The following GLP1R variants were observed in gnomAD, a reference collection of about 807,000 sequenced individuals.
GLP1R encodes glucagon like peptide 1 receptor.
Under a neutral mutation model 68.4 loss-of-function variants are expected in GLP1R, and 32 were observed. The observed-to-expected ratio is 0.47, with a 90% CI of 0.35 to 0.63. The LOEUF (loss-of-function observed/expected upper bound fraction) is 0.63, where lower values mean the gene tolerates loss of function less well. Ranked by LOEUF, GLP1R falls within the 20% of genes least tolerant of loss-of-function variation. The probability of loss-of-function intolerance (pLI) is 0.00; values close to 1 mark genes in which losing one functional copy is unlikely to be tolerated. For synonymous variants in GLP1R, 263 were observed against 244.4 expected (o/e 1.08, Z -0.71); for missense variants, 502 against 594.9 (o/e 0.84, Z 1.62).
chr6:39,073,918 G>T, intron 7 of GLP1R, 149 bp downstream of exon 7: 1 of 668,804 alleles, frequency 1.5e-6, no homozygotes, highest in Non-Finnish European at 2.6e-6. Context: ...CTTCTGCCCC[G>T]GTGCTGTTAA....
chr6:39,056,630 T>C, intron 2 of GLP1R, 137 bp downstream of exon 2: 4 of 554,772 alleles, frequency 7.2e-6, no homozygotes, highest in Non-Finnish European at 1.3e-5. Context: ...CTTCATCTCA[T>C]TGTCCAAGCT....
chr6:39,062,771 T>C (rs541215135), intron 3 of GLP1R, among the ~76,000 whole-genome samples: 8 of 152,250 alleles, frequency 5.3e-5, no homozygotes, highest in Non-Finnish European at 8.8e-5. Flanking sequence ...TTGACTCTGC[T>C]ACTTTCTAGT....
At chr6:39,051,390 G>A (rs902866307) in intron 1 of GLP1R, among the ~76,000 whole-genome samples, 2 of 152,180 alleles carry the variant, frequency 1.3e-5, no homozygotes, top group African/African-American at 4.8e-5. Flanking sequence ...AGGGCTGCAG[G>A]ATAGTATGAG....
intron 1 of GLP1R, among the ~76,000 whole-genome samples, chr6:39,051,865 G>A (rs924386827): frequency 2.0e-5 from 3 of 149,754 alleles, no homozygotes; most frequent in African/African-American, 7.5e-5. Context: ...ATATGATACT[G>A]TGTCTGTGGG....
chr6:39,056,305 T>G, intron 1 of GLP1R, 92 bp from the exon 2 acceptor site: 7 of 660,644 alleles, frequency 1.1e-5, no homozygotes, highest in Non-Finnish European at 1.4e-5. Context: ...TGAGGTTTCA[T>G]GGAGATTGAG....
At position 39,089,618 on chromosome 6, in the gene GLP1R, G is replaced by C. The variant is rs559265375; in HGVS notation, c.*3545G>C. 2.0e-5 allele frequency among the ~76,000 whole-genome samples: 3 copies of C among 152,074 alleles called. No homozygotes were observed. The highest frequency in any genetic ancestry group is 4.8e-5 in the African/African-American group (2 of 41,410). ...AGGAAAGAACATTGCATGTGGGCGT[G>C]TGTGTGTGTATGTGTGTGCATGTGT... On this transcript the variant is annotated 3_prime_UTR_variant, in exon 13 of 13. Coordinates refer to ENST00000373256, the MANE Select transcript of GLP1R (RefSeq NM_002062.5). This position sits in a 1 kb window ranked among gnomAD's most constrained non-coding sequence, Gnocchi z 4.1.
At chr6:39,056,555 T>G in intron 2 of GLP1R, 62 bp downstream of exon 2, 3 of 860,524 alleles carry the variant, frequency 3.5e-6, no homozygotes. Flanking sequence ...TGGAGGACTT[T>G]GATGAACTCA....
At chr6:39,074,004 G>A (rs1407629345) in intron 7 of GLP1R, among the ~76,000 whole-genome samples, 1 of 152,166 alleles carries the variant, frequency 6.6e-6, no homozygotes, top group African/African-American at 2.4e-5. Context: ...ACCGCATGTG[G>A]CCAAACACCA....
At position 39,079,258 on chromosome 6, in the gene GLP1R, G is replaced by A. The variant is rs1249264757; in HGVS notation, c.1043+58G>A. 1.7e-6 allele frequency: 2 copies of A among 1,204,738 alleles called. No homozygotes were observed. The highest frequency in any genetic ancestry group is 1.5e-5 in the African/African-American group (1 of 67,020). The allele number at this position is 1,204,738 out of a possible 1,614,324, so 74.6% of individuals were successfully genotyped here. ...CTCAGCAAGTGCCCCTTTCCTTCTA[G>A]CAGAGAGAGAGAGAGAGATCCTGGG... On this transcript the variant is annotated intron_variant, in intron 10 of 12. Transcript: ENST00000373256. This position sits in a 1 kb window ranked among gnomAD's most constrained non-coding sequence, Gnocchi z 4.5.
rs767524306 is a variant in GLP1R, at chr6:39,086,215, C to G, written c.*142C>G. The G allele has an allele frequency of 1.6e-6, 1 of 642,394 alleles. No homozygotes were observed. The highest frequency in any genetic ancestry group is 2.1e-5 in the South Asian group (1 of 46,750). 39.8% of individuals were successfully genotyped at this position (642,394 alleles called of 1,614,324 possible). ...CACACACACACACACATACATCCTG[C>G]TTTCCCTCCCCAAACCCATCAGACA... On this transcript the variant is annotated 3_prime_UTR_variant, in exon 13 of 13. Transcript: ENST00000373256. The surrounding 1 kb of genome is among the most constrained non-coding windows in gnomAD (Gnocchi z 4.5).
chr6:39,085,407 C>T lies in GLP1R; in HGVS notation c.1225-499C>T, dbSNP rs77575595. Among the ~76,000 whole-genome samples, 118 of 152,312 alleles carry T rather than the reference C, an allele frequency of 7.7e-4. No individual in the cohort carries two copies. In the East Asian group the frequency reaches 0.021, roughly 27 times the overall value. On this transcript the variant is annotated intron_variant, in intron 12 of 12. Transcript: ENST00000373256. ...GCCACATTCCTTCCTTCCCTCCCTC[C>T]TCCCCTGTGAGGTGCTGGGGCCTGG...
intron 7 of GLP1R, among the ~76,000 whole-genome samples, chr6:39,075,982 A>G (rs1206362022): frequency 6.6e-6 from 1 of 152,190 alleles, no homozygotes; most frequent in African/African-American, 2.4e-5. Flanking sequence ...TAAATGGGAG[A>G]AAGATGAAGC....
intron 12 of GLP1R, among the ~76,000 whole-genome samples, 195 bp downstream of exon 12, chr6:39,080,934 C>T (rs1200528421): frequency 6.6e-6 from 1 of 152,070 alleles, no homozygotes; most frequent in Non-Finnish European, 1.5e-5. Context: ...CATGAACACA[C>T]ACACACAAGT....
rs200010685 is a variant in GLP1R, at chr6:39,078,335, G to C, written c.837G>C (p.Leu279=). 6.2e-7 allele frequency: 1 copy of C among 1,612,520 alleles called. No individual in the cohort carries two copies. The highest frequency in any genetic ancestry group is 8.5e-7 in the Non-Finnish European group (1 of 1,178,558). The change falls in exon 8 of 13, where the codon CTG becomes CTC. Residue 279 remains leucine, a synonymous_variant. Transcript: ENST00000373256. ...YVSIGWGVPL[L]FVVPWGIVKY... The stretch of plus-strand genomic sequence containing the variant: ...CCTCTCTCTTAGGTGTTCCCCTGCT[G>C]TTTGTTGTCCCCTGGGGCATTGTCA...
chr6:39,051,774 G>A (rs921495971), intron 1 of GLP1R, among the ~76,000 whole-genome samples: 2 of 152,034 alleles, frequency 1.3e-5, no homozygotes, highest in African/African-American at 2.4e-5. Context: ...GTAACAGTCT[G>A]TGTGGGAATG....
intron 3 of GLP1R, 68 bp from the exon 4 acceptor site, chr6:39,065,643 G>A: frequency 1.1e-6 from 1 of 903,336 alleles, no homozygotes; most frequent in Non-Finnish European, 1.8e-6. Context: ...GGAGGAAGGG[G>A]AGCATCTAGC....
In GLP1R at chr6:39,049,356, A is replaced by G. The variant is rs1392425273; in HGVS notation, c.78+438A>G. ...CCCCTCTCCCGCAGTGCCTCCCCAG[A>G]CAATCCACCTGCTCAAAGACCCTGA... On this transcript the variant is annotated intron_variant, in intron 1 of 12. Coordinates refer to ENST00000373256, the MANE Select transcript of GLP1R (RefSeq NM_002062.5). This position sits in a 1 kb window ranked among gnomAD's most constrained non-coding sequence, Gnocchi z 4.5. Among the ~76,000 whole-genome samples, 1 of 152,046 alleles carries G rather than the reference A, an allele frequency of 6.6e-6. No individual in the cohort carries two copies. Among genetic ancestry groups the G allele is most frequent in the Non-Finnish European group, 1.5e-5 (1 of 67,992 alleles).
chr6:39,070,953 T>G (rs1768644253), intron 5 of GLP1R, among the ~76,000 whole-genome samples: 1 of 150,230 alleles, frequency 6.7e-6, no homozygotes, highest in Non-Finnish European at 1.5e-5. Context: ...TAAATAAAAT[T>G]TATCAATAAA....
intron 12 of GLP1R, among the ~76,000 whole-genome samples, chr6:39,081,687 T>A (rs1769016773): frequency 6.6e-6 from 1 of 152,132 alleles, no homozygotes; most frequent in Non-Finnish European, 1.5e-5. Context: ...CCTGGGTGTT[T>A]CAAGGAGCTA....
Sources: allele counts gnomAD v4.1 joint callset (sites outside exome capture counted in the v4.1 genomes callset), GRCh38; gene constraint gnomAD v4.1.1; non-coding constraint Gnocchi (gnomAD v3.1); transcripts MANE v1.5; gene names NCBI Gene and HGNC (gene_info 2026-07-23, HGNC 2026-07-21).